Variants in GRM1 observed in about 807,000 individuals in gnomAD.
GRM1 encodes the protein glutamate metabotropic receptor 1, also known as metabotropic glutamate receptor 1.
Under a neutral mutation model 90.9 loss-of-function variants are expected in GRM1, and 33 were observed. The observed-to-expected ratio is 0.36, with a 90% confidence interval of 0.28 to 0.49. GRM1 has a LOEUF of 0.49. Among genes scored for constraint, GRM1 ranks in the 20% least tolerant of loss-of-function variants. The probability of loss-of-function intolerance (pLI) is 0.99; values close to 1 mark genes in which losing one functional copy is unlikely to be tolerated. For synonymous variants in GRM1, 700 were observed against 613.2 expected (o/e 1.14, Z -2.09); for missense variants, 1,190 against 1,534.3 (o/e 0.78, Z 3.75).
At chr6:146,403,780 T>A (rs1237210138) in intron 7 of GRM1, among the ~76,000 whole-genome samples, 5 of 152,274 alleles carry the variant, frequency 3.3e-5, no homozygotes, top group African/African-American at 1.2e-4. Flanking sequence ...TTATTTTTGA[T>A]ACAGTTCTCA....
At chr6:146,054,531 A>G (rs779852170) in intron 1 of GRM1, among the ~76,000 whole-genome samples, 2 of 152,058 alleles carry the variant, frequency 1.3e-5, no homozygotes, top group Non-Finnish European at 2.9e-5. Flanking sequence ...TCAGCAGTAA[A>G]ATATTCTATC....
intron 7 of GRM1, among the ~76,000 whole-genome samples, chr6:146,401,360 C>T (rs80249521): frequency 9.9e-5 from 15 of 152,152 alleles, no homozygotes; most frequent in Non-Finnish European, 2.2e-4. Flanking sequence ...AAACTCCCCT[C>T]AGGAGCAAAC....
At chr6:146,338,777 A>G (rs1333771379) in intron 3 of GRM1, among the ~76,000 whole-genome samples, 4 of 152,166 alleles carry the variant, frequency 2.6e-5, no homozygotes, top group Non-Finnish European at 5.9e-5. Context: ...TTATTAACCA[A>G]GTTCATAAAG....
chr6:146,073,900 A>G lies in GRM1; in HGVS notation c.700+43683A>G, dbSNP rs560010121. On this transcript the variant is annotated intron_variant, in intron 1 of 7. Transcript: ENST00000282753. ...CGAATGTAATCAGGTAAACGTAGAGATGTCCATATGTGGAGAAAAAAGAGA... is the reference window on the plus strand; with the variant it reads ...CGAATGTAATCAGGTAAACGTAGAGGTGTCCATATGTGGAGAAAAAAGAGA... Among the ~76,000 whole-genome samples the G allele has an allele frequency of 5.3e-4, 81 of 152,268 alleles. 1 individual carries two copies. The South Asian group carries it at 0.016, about 31-fold the overall frequency.
intron 1 of GRM1, among the ~76,000 whole-genome samples, chr6:146,092,248 G>A (rs571149668): frequency 1.3e-5 from 2 of 152,066 alleles, no homozygotes; most frequent in Non-Finnish European, 2.9e-5. Flanking sequence ...ACCAGAGAGT[G>A]AGCTCTAGTA....
chr6:146,277,460 G>C (rs908399590), intron 2 of GRM1, among the ~76,000 whole-genome samples: 1 of 152,216 alleles, frequency 6.6e-6, no homozygotes, highest in African/African-American at 2.4e-5. Context: ...TTGCTTTTGA[G>C]GGGTTAGAGA....
intron 6 of GRM1, among the ~76,000 whole-genome samples, chr6:146,395,809 T>G (rs1307922339): frequency 6.6e-6 from 1 of 152,028 alleles, no homozygotes; most frequent in Admixed American, 6.6e-5. Context: ...ATTTAGAGAG[T>G]CAGGTAAAGT....
At chr6:146,351,770 T>TA (rs1785419029) in intron 3 of GRM1, among the ~76,000 whole-genome samples, 4 of 150,442 alleles carry the variant, frequency 2.7e-5, no homozygotes, top group African/African-American at 9.9e-5. Flanking sequence ...GCCCTAGAAA[T>TA]GAAAAAAAAA....
At chr6:146,245,214 A>T (rs897939033) in intron 2 of GRM1, among the ~76,000 whole-genome samples, 1 of 152,172 alleles carries the variant, frequency 6.6e-6, no homozygotes, top group Non-Finnish European at 1.5e-5. Context: ...ATTTGTGTTC[A>T]GGGGCAAGAA....
At chr6:146,299,414 G>A (rs929772916) in intron 2 of GRM1, among the ~76,000 whole-genome samples, 3 of 123,502 alleles carry the variant, frequency 2.4e-5, no homozygotes, top group African/African-American at 1.6e-4. Flanking sequence ...CTAGTTCTGG[G>A]AGGAAGTTAA....
chr6:146,293,519 A>G (rs1025851402), intron 2 of GRM1, among the ~76,000 whole-genome samples: 1 of 151,946 alleles, frequency 6.6e-6, no homozygotes, highest in East Asian at 1.9e-4. Context: ...GACTTTATAT[A>G]TTTTTTACAA....
At chr6:146,160,883 A>G (rs1191480450) in intron 2 of GRM1, among the ~76,000 whole-genome samples, 1 of 152,198 alleles carries the variant, frequency 6.6e-6, no homozygotes, top group Non-Finnish European at 1.5e-5. Context: ...TAATTATTAA[A>G]TGTGGGCAAA....
intron 2 of GRM1, among the ~76,000 whole-genome samples, chr6:146,170,551 G>T (rs1355115810): frequency 6.6e-6 from 1 of 152,016 alleles, no homozygotes; most frequent in African/African-American, 2.4e-5. Context: ...ACCTACAGTT[G>T]AGCCCTTCTA....
At position 146,189,904 on chromosome 6, in the gene GRM1, G is replaced by A. The variant is rs535215502; in HGVS notation, c.950+30307G>A. On this transcript the variant is annotated intron_variant, in intron 2 of 7. Transcript: ENST00000282753. ...ATCTTCACTGTTAAATAAAGGAAGGGAAATCCCATGGTGCCAAAGTCAAAG... is the reference window on the plus strand; with the variant it reads ...ATCTTCACTGTTAAATAAAGGAAGGAAAATCCCATGGTGCCAAAGTCAAAG... Among the ~76,000 whole-genome samples, 9 of 152,238 alleles carry A rather than the reference G, an allele frequency of 5.9e-5. No homozygotes were observed. The South Asian group carries it at 1.9e-3, about 32-fold the overall frequency.
Position 146,139,872 on chromosome 6 carries a change from GTTCCC to G in GRM1, c.701-19434_701-19430del, listed in dbSNP as rs554971904. ...TTGTTATTTGTTTTCTGGTTGCTTT[GTTCCC>G]TTCCCTTCCCTTCCCTTCCCTTCCC... On this transcript the variant is annotated intron_variant, in intron 1 of 7. Transcript: ENST00000282753. 7.5e-3 allele frequency among the ~76,000 whole-genome samples: 830 copies of G among 110,062 alleles called. 32 individuals carry two copies. The highest frequency in any genetic ancestry group is 0.028 in the African/African-American group (574 of 20,640). 72.2% of individuals were successfully genotyped at this position (110,062 alleles called of 152,430 possible). A position where few individuals can be genotyped will look rare whatever the true frequency, so the allele number is the denominator to read the frequency against.
At chr6:146,120,264 T>C (rs1179961834) in intron 1 of GRM1, among the ~76,000 whole-genome samples, 6 of 152,236 alleles carry the variant, frequency 3.9e-5, no homozygotes, top group Non-Finnish European at 2.9e-5. Context: ...ATAAGAATGC[T>C]TGTGATTTTT....
intron 2 of GRM1, among the ~76,000 whole-genome samples, chr6:146,301,043 T>A (rs1385486903): frequency 3.3e-5 from 5 of 152,166 alleles, no homozygotes; most frequent in African/African-American, 1.2e-4. Flanking sequence ...GCTTTAGAGA[T>A]GTTTTCTAGT....
chr6:146,359,605 C>T (rs780105673), intron 5 of GRM1, among the ~76,000 whole-genome samples: 98 of 152,214 alleles, frequency 6.4e-4, no homozygotes, highest in Admixed American at 1.1e-3. Context: ...CAATTCCTTA[C>T]TGTTACTCTG....
chr6:146,127,567 A>G (rs1416194500), intron 1 of GRM1, among the ~76,000 whole-genome samples: 2 of 152,160 alleles, frequency 1.3e-5, no homozygotes, highest in African/African-American at 2.4e-5. Context: ...TAGACCTACA[A>G]TGTAACAATG....
Sources: gnomAD v4.1 joint callset for allele counts (sites outside exome capture counted in the v4.1 genomes callset) on GRCh38, gnomAD v4.1.1 for gene constraint, MANE v1.5 for transcripts, NCBI Gene and HGNC (gene_info 2026-07-23, HGNC 2026-07-21) for gene names.